The following SERGEF variants were observed in gnomAD, a reference collection of about 807,000 sequenced individuals.
The protein encoded by SERGEF is secretion-regulating guanine nucleotide exchange factor.
In SERGEF, 51 loss-of-function variants were observed where a neutral mutation model predicts 50.0. The observed-to-expected ratio is 1.02, with a 90% CI of 0.81 to 1.29. The LOEUF (loss-of-function observed/expected upper bound fraction) is 1.29. Among genes scored for constraint, SERGEF ranks in the 50% most tolerant of loss-of-function variants. The pLI is 0.00. For missense variants in SERGEF, 521 were observed against 557.0 expected, an observed-to-expected ratio of 0.94 and a Z score of 0.65; for synonymous variants, 205 against 212.4, an observed-to-expected ratio of 0.97 and a Z score of 0.30.
At chr11:17,981,140 G>A (rs753719282) in intron 8 of SERGEF, among the ~76,000 whole-genome samples, 1 of 152,128 alleles carries the variant, frequency 6.6e-6, no homozygotes, top group Non-Finnish European at 1.5e-5. Flanking sequence ...TCACTCCTTC[G>A]GCCCTTGGCC....
At chr11:17,860,623 C>T (rs1850909589) in intron 10 of SERGEF, among the ~76,000 whole-genome samples, 1 of 152,100 alleles carries the variant, frequency 6.6e-6, no homozygotes, top group Admixed American at 6.6e-5. Context: ...AATTTTTAAA[C>T]TATGTACATA....
rs527965392 is a variant in SERGEF, at chr11:17,884,531, G to A, written c.1012-6287C>T. Among the ~76,000 whole-genome samples the A allele has an allele frequency of 2.0e-5, 3 of 152,224 alleles. No individual in the cohort carries two copies. Among genetic ancestry groups the A allele is most frequent in the African/African-American group, 4.8e-5 (2 of 41,554 alleles). ...AACGCAGTGCTTGGAAGCTGGGCAC[G>A]TTTTACAGGCACACTGCAATCCAGT... On this transcript the variant is annotated intron_variant, in intron 9 of 10. Transcript: ENST00000265965. This position sits in a 1 kb window ranked among gnomAD's most constrained non-coding sequence, Gnocchi z 4.6.
chr11:17,847,092 C>T (rs1247288306), intron 10 of SERGEF, among the ~76,000 whole-genome samples: 1 of 152,234 alleles, frequency 6.6e-6, no homozygotes, highest in Non-Finnish European at 1.5e-5. Context: ...CTTTATCAGG[C>T]AGCACCGCTG....
chr11:17,864,779 C>T (rs1037875266), intron 10 of SERGEF, among the ~76,000 whole-genome samples: 7 of 152,156 alleles, frequency 4.6e-5, no homozygotes, highest in African/African-American at 1.7e-4. Flanking sequence ...CCCTTGAGAA[C>T]CAGGCACCAT....
chr11:17,808,307 C>T (rs1343992227), intron 10 of SERGEF, among the ~76,000 whole-genome samples: 2 of 152,190 alleles, frequency 1.3e-5, no homozygotes, highest in South Asian at 2.1e-4. Flanking sequence ...CTACAGGAAG[C>T]GTGGTGCCAG....
intron 10 of SERGEF, among the ~76,000 whole-genome samples, chr11:17,790,337 A>ATT (rs35722641): frequency 7.0e-4 from 101 of 144,450 alleles, no homozygotes; most frequent in African/African-American, 2.3e-3. Context: ...TCATTCACAT[A>ATT]TTTTTTTTTT....
intron 10 of SERGEF, among the ~76,000 whole-genome samples, chr11:17,841,540 T>C (rs551773694): frequency 1.6e-4 from 24 of 152,336 alleles, no homozygotes; most frequent in Middle Eastern, 3.4e-3. Context: ...CTGGGACCAT[T>C]GCAAAAGCTC....
chr11:17,870,942 A>G (rs1370407669), intron 10 of SERGEF, among the ~76,000 whole-genome samples: 1 of 152,222 alleles, frequency 6.6e-6, no homozygotes, highest in Non-Finnish European at 1.5e-5. Context: ...CAGTCTCTTG[A>G]TTTATAACAA....
intron 9 of SERGEF, among the ~76,000 whole-genome samples, chr11:17,881,602 C>A (rs759126626): frequency 1.3e-5 from 2 of 152,208 alleles, no homozygotes; most frequent in Non-Finnish European, 2.9e-5. Flanking sequence ...AATGGCAATG[C>A]GCCCAAGAGA....
At chr11:17,926,668 C>A (rs1852256711) in intron 9 of SERGEF, 3 of 443,824 alleles carry the variant, frequency 6.8e-6, no homozygotes, top group Non-Finnish European at 1.4e-5. Context: ...GCAAGTGTGA[C>A]CCTGAATTGA....
intron 7 of SERGEF, among the ~76,000 whole-genome samples, chr11:17,990,286 C>T (rs1853686462): frequency 6.6e-6 from 1 of 152,164 alleles, no homozygotes; most frequent in African/African-American, 2.4e-5. Context: ...GGTCTGTTTC[C>T]TCAACTCCAA....
At chr11:17,936,751 C>T (rs550460679) in intron 9 of SERGEF, among the ~76,000 whole-genome samples, 8 of 152,286 alleles carry the variant, frequency 5.3e-5, no homozygotes, top group Admixed American at 2.0e-4. Context: ...GATACCATTT[C>T]GTGGGTACAG....
chr11:17,881,788 C>T (rs1851336014), intron 9 of SERGEF, among the ~76,000 whole-genome samples: 1 of 152,160 alleles, frequency 6.6e-6, no homozygotes, highest in Non-Finnish European at 1.5e-5. Context: ...ACAAATGAGA[C>T]AATTTATCCC....
At chr11:17,829,493 A>G (rs1269335110) in intron 10 of SERGEF, among the ~76,000 whole-genome samples, 2 of 152,196 alleles carry the variant, frequency 1.3e-5, no homozygotes, top group Non-Finnish European at 2.9e-5. Flanking sequence ...ATTAACCATT[A>G]TCGTTTTACC....
At chr11:17,875,053 G>A (rs1346723631) in intron 10 of SERGEF, among the ~76,000 whole-genome samples, 1 of 152,172 alleles carries the variant, frequency 6.6e-6, no homozygotes, top group Non-Finnish European at 1.5e-5. Context: ...AGGTGATCAA[G>A]ACATAGAGAA....
intron 9 of SERGEF, among the ~76,000 whole-genome samples, chr11:17,892,695 C>G (rs1302869640): frequency 6.6e-6 from 1 of 152,186 alleles, no homozygotes; most frequent in Non-Finnish European, 1.5e-5. Context: ...AGTGTATTCA[C>G]TGTTAATGCC....
At chr11:17,917,903 A>G (rs1852079108) in intron 9 of SERGEF, among the ~76,000 whole-genome samples, 1 of 152,262 alleles carries the variant, frequency 6.6e-6, no homozygotes, top group Non-Finnish European at 1.5e-5. Context: ...GGAACTTCAG[A>G]GATGCAAATG....
At chr11:17,981,977 T>C (rs933338773) in intron 8 of SERGEF, among the ~76,000 whole-genome samples, 2 of 152,052 alleles carry the variant, frequency 1.3e-5, no homozygotes, top group Non-Finnish European at 2.9e-5. Context: ...ATTTTTTTTA[T>C]ATTTTGTTGT....
intron 9 of SERGEF, among the ~76,000 whole-genome samples, chr11:17,890,935 A>C (rs1056548244): frequency 1.3e-5 from 2 of 152,210 alleles, no homozygotes; most frequent in Non-Finnish European, 2.9e-5. Context: ...CAATTTGAGC[A>C]TCAAAATAAA....
Sources: gnomAD v4.1 joint callset for allele counts (sites outside exome capture counted in the v4.1 genomes callset) on GRCh38, gnomAD v4.1.1 for gene constraint, Gnocchi (gnomAD v3.1) non-coding constraint, MANE v1.5 for transcripts, NCBI Gene and HGNC (gene_info 2026-07-23, HGNC 2026-07-21) for gene names.